CPLANE1: variants seen among roughly 807,000 people sequenced by gnomAD.
CPLANE1 encodes the protein ciliogenesis and planar polarity effector complex subunit 1.
A neutral mutation model predicts 362.5 loss-of-function variants in CPLANE1; 263 were observed. The ratio of observed to expected loss-of-function variants is 0.73; its 90% confidence interval spans 0.66 to 0.80. CPLANE1 has a LOEUF of 0.80. CPLANE1 is among the 30% of genes least tolerant of loss of function. The probability of loss-of-function intolerance (pLI) is 0.00; values close to 1 mark genes in which losing one functional copy is unlikely to be tolerated. For synonymous variants in CPLANE1, 1,212 were observed against 1,302.6 expected (o/e 0.93, Z 1.50); for missense variants, 3,461 against 3,793.4 (o/e 0.91, Z 2.30).
intron 50 of CPLANE1, among the ~76,000 whole-genome samples, chr5:37,118,739 G>C (rs770412343): frequency 3.4e-5 from 5 of 147,362 alleles, no homozygotes; most frequent in African/African-American, 1.3e-4. Context: ...TTTTCAGACA[G>C]AGTCTCACTC....
chr5:37,085,364 C>A, the CPLANE1 span: 1 of 1,349,154 alleles, frequency 7.4e-7, no homozygotes, highest in Non-Finnish European at 1.1e-6. Flanking sequence ...TGATCTATGA[C>A]ACCAAGGGTC....
At chr5:37,147,971 C>CAAAA (rs11284644) in intron 43 of CPLANE1, among the ~76,000 whole-genome samples, 209 of 15,322 alleles carry the variant, frequency 0.014, 45 homozygotes, top group African/African-American at 0.026. Flanking sequence ...ACTGCCTTCT[C>CAAAA]AAAAAAAAAA....
chr5:37,183,157 C>T lies in CPLANE1; in HGVS notation c.5024G>A (p.Ser1675Asn). 1.2e-6 allele frequency: 2 copies of T among 1,612,664 alleles called. No homozygotes were observed. Among genetic ancestry groups the T allele is most frequent in the Non-Finnish European group, 1.7e-6 (2 of 1,179,494 alleles). ...SNEVNKNEGM[S>N]GLFGLKQRSI... Reference sequence around the variant, plus strand: ...CCTTTGTTTTAAACCAAATAATCCACTCATTCCTTCATTCTTATTGACTTC... The same window carrying T: ...CCTTTGTTTTAAACCAAATAATCCATTCATTCCTTCATTCTTATTGACTTC... The change falls in exon 26 of 53, where the codon AGT (serine) becomes AAT (asparagine). Residue 1675 changes from serine to asparagine, a missense_variant. Physicochemically the swap from Ser to Asn is conservative, Grantham distance 46. Transcript: ENST00000651892.
chr5:37,209,414 T>G lies in CPLANE1; in HGVS notation c.2921-2989A>C. 7.8e-7 allele frequency: 1 copy of G among 1,281,920 alleles called. No individual in the cohort carries two copies. 79.4% of individuals were successfully genotyped at this position (1,281,920 alleles called of 1,614,324 possible). ...CCGTGGCTGATGTGTTGAGTCAAAATGAACTGCGCAAAAAGCTATACCAGA... is the reference window on the plus strand; with the variant it reads ...CCGTGGCTGATGTGTTGAGTCAAAAGGAACTGCGCAAAAAGCTATACCAGA... On this transcript the variant is annotated intron_variant, in intron 16 of 52. Transcript: ENST00000651892. The surrounding 1 kb of genome is among the most constrained non-coding windows in gnomAD (Gnocchi z 4.6).
chr5:37,233,288 G>T (rs570351680), intron 8 of CPLANE1, among the ~76,000 whole-genome samples: 6 of 152,172 alleles, frequency 3.9e-5, no homozygotes, highest in Admixed American at 6.5e-5. Context: ...CTCCTGGGAG[G>T]CTCCCTATCA....
intron 33 of CPLANE1, 122 bp from the exon 34 acceptor site, chr5:37,169,683 T>G (rs1779215107): frequency 1.3e-6 from 1 of 772,328 alleles, no homozygotes. Context: ...AAAAAATTAT[T>G]TATTCAATAA....
rs896455969 is a variant in CPLANE1, at chr5:37,226,789, G to C, written c.1806C>G (p.Ile602Met). The change falls in exon 12 of 53, where the codon ATC becomes ATG. Residue 602 changes from isoleucine to methionine, a missense_variant. Around this residue, in one of 2 missense-constraint regions of CPLANE1, gnomAD observed 3,380 missense variants for 3,666.1 expected, o/e 0.92. Transcript: ENST00000651892. ...NLMLNYIVVC[I>M]THFFYILQFI... ...ATTGAAGAATGTAAAAAAAATGAGTGATACAAACTACTATGTAATTTAACA... is the reference window on the plus strand; with the variant it reads ...ATTGAAGAATGTAAAAAAAATGAGTCATACAAACTACTATGTAATTTAACA... 3 of 1,543,358 alleles carry C rather than the reference G, an allele frequency of 1.9e-6. No homozygotes were observed. In the East Asian group the frequency reaches 7.4e-5, roughly 38 times the overall value.
At chr5:37,110,998 G>A (rs1759091555) in intron 51 of CPLANE1, among the ~76,000 whole-genome samples, 1 of 150,918 alleles carries the variant, frequency 6.6e-6, no homozygotes, top group Non-Finnish European at 1.5e-5. Context: ...TAGTAGAGAT[G>A]GGGTTTCACC....
rs890930286 is a variant in CPLANE1, at chr5:37,248,453, G to GT, written c.-47-709dup. Among the ~76,000 whole-genome samples, 7 of 151,968 alleles carry GT rather than the reference G, an allele frequency of 4.6e-5. No individual in the cohort carries two copies. The South Asian group carries it at 6.2e-4, about 14-fold the overall frequency. The stretch of plus-strand genomic sequence containing the variant: ...CCAAATTAGATGGGCTTGTTTTTTT[G>GT]TTTTTTTAATAAAATAGCTTTAAAA... On this transcript the variant is annotated intron_variant, in intron 1 of 52. Transcript: ENST00000651892.
At chr5:37,235,046 C>G (rs1453730200) in intron 8 of CPLANE1, among the ~76,000 whole-genome samples, 1 of 152,102 alleles carries the variant, frequency 6.6e-6, no homozygotes, top group Non-Finnish European at 1.5e-5. Flanking sequence ...TCACTCTTCA[C>G]TGACAATATA....
intron 51 of CPLANE1, among the ~76,000 whole-genome samples, chr5:37,112,965 G>A (rs1284748186): frequency 6.6e-6 from 1 of 152,130 alleles, no homozygotes; most frequent in East Asian, 1.9e-4. Flanking sequence ...AATTTCAACT[G>A]TTTTTAGAGG....
chr5:37,159,819 T>C (rs1448587180), intron 38 of CPLANE1, among the ~76,000 whole-genome samples: 1 of 152,222 alleles, frequency 6.6e-6, no homozygotes, highest in African/African-American at 2.4e-5. Context: ...ATAATGCAGA[T>C]ACATCTTTAA....
In CPLANE1 at chr5:37,170,259, G is replaced by A; in HGVS notation, c.6244C>T (p.Gln2082Ter). 1 of 1,614,154 alleles carries A rather than the reference G, an allele frequency of 6.2e-7. No individual in the cohort carries two copies. The highest frequency in any genetic ancestry group is 8.5e-7 in the Non-Finnish European group (1 of 1,180,000). Reference protein sequence around the residue: ...SSFANLPDTQQLVQQSQSVHL... With the variant: ...SSFANLPDTQ ...ACAGACTGAGACTGCTGTACAAGTTGTTGTGTATCTGGGAGATTAGCAAAG... is the reference window on the plus strand; with the variant it reads ...ACAGACTGAGACTGCTGTACAAGTTATTGTGTATCTGGGAGATTAGCAAAG... Residue 2082 changes from glutamine to a stop codon, truncating the protein, a stop_gained, in exon 33 of 53, where the codon CAA becomes TAA. Coordinates refer to ENST00000651892, the MANE Select transcript of CPLANE1 (RefSeq NM_001384732.1). LOFTEE classifies it high-confidence loss of function.
the CPLANE1 span, among the ~76,000 whole-genome samples, chr5:37,090,471 C>T: frequency 6.6e-6 from 1 of 152,190 alleles, no homozygotes; most frequent in Non-Finnish European, 1.5e-5. Context: ...CAATTCAAAG[C>T]AGTATTGCCA....
intron 16 of CPLANE1, chr5:37,211,506 T>C: frequency 8.1e-6 from 11 of 1,349,834 alleles, no homozygotes; most frequent in Non-Finnish European, 1.1e-5. Context: ...GAATGACATC[T>C]TGGAAGCCCT....
At chr5:37,224,173 T>A in intron 14 of CPLANE1, 80 bp downstream of exon 14, 2 of 909,150 alleles carry the variant, frequency 2.2e-6, no homozygotes, top group Non-Finnish European at 3.3e-6. Context: ...TTTTGGAATT[T>A]AGAATTACTG....
rs556506371 is a variant in CPLANE1, at chr5:37,224,423, A to G, written c.2501-90T>C. ...TTTTAAAATCCAGTTAATGGAGCTC[A>G]GCCAGAAATTATTTTGAAAAACAAA... On this transcript the variant is annotated intron_variant, in intron 13 of 52. Transcript: ENST00000651892. The G allele has an allele frequency of 6.2e-6, 8 of 1,284,750 alleles. No homozygotes were observed. In the South Asian group the frequency reaches 8.3e-5, roughly 13 times the overall value. 79.6% of individuals were successfully genotyped at this position (1,284,750 alleles called of 1,614,324 possible). A position where few individuals can be genotyped will look rare whatever the true frequency, so the allele number is the denominator to read the frequency against.
At chr5:37,132,337 G>GTTTTTTTT (rs70976278) in intron 46 of CPLANE1, among the ~76,000 whole-genome samples, 9 of 77,780 alleles carry the variant, frequency 1.2e-4, no homozygotes, top group South Asian at 4.5e-4. Context: ...GATTGTTCAA[G>GTTTTTTTT]TTTTTTTTTT....
chr5:37,151,526 CA>C (rs1773557678), intron 42 of CPLANE1, among the ~76,000 whole-genome samples: 1 of 152,120 alleles, frequency 6.6e-6, no homozygotes, highest in South Asian at 2.1e-4. Flanking sequence ...AGTAGTTGCT[CA>C]ATAAATGTTT....
Sources: allele counts gnomAD v4.1 joint callset (sites outside exome capture counted in the v4.1 genomes callset), GRCh38; gene constraint gnomAD v4.1.1; regional missense constraint gnomAD v4.1.1; non-coding constraint Gnocchi (gnomAD v3.1); transcripts MANE v1.5; gene names NCBI Gene and HGNC (gene_info 2026-07-23, HGNC 2026-07-21).